Variants in CEP120 observed in about 807,000 individuals in gnomAD.
CEP120 encodes centrosomal protein 120.
A neutral mutation model predicts 126.5 loss-of-function variants in CEP120; 113 were observed. That is an observed-to-expected ratio of 0.89 (90% CI 0.77 to 1.04). The LOEUF is 1.04. Ranked by LOEUF, CEP120 falls within the 50% of genes least tolerant of loss-of-function variation. CEP120 has a pLI of 0.00. For synonymous variants in CEP120, 400 were observed against 394.3 expected (o/e 1.01, Z -0.17); for missense variants, 1,230 against 1,155.7 (o/e 1.06, Z -0.93).
chr5:123,402,457 T>C (rs1773322692), intron 4 of CEP120: 1 of 814,450 alleles, frequency 1.2e-6, no homozygotes, highest in African/African-American at 1.7e-5. Context: ...TCTTGCTCTG[T>C]CACCCAGGCT....
intron 4 of CEP120, chr5:123,403,813 C>A: frequency 3.1e-6 from 1 of 320,870 alleles, no homozygotes; most frequent in Non-Finnish European, 6.1e-6. Flanking sequence ...AATTAACTGG[C>A]CTGCAATCTT....
intron 17 of CEP120, among the ~76,000 whole-genome samples, chr5:123,366,095 A>T (rs1770434472): frequency 6.6e-6 from 1 of 151,846 alleles, no homozygotes; most frequent in Non-Finnish European, 1.5e-5. Context: ...AGCTAAGTAA[A>T]TCTGAGACAC....
At chr5:123,404,016 G>A (rs1056462346) in intron 4 of CEP120, among the ~76,000 whole-genome samples, 2 of 152,164 alleles carry the variant, frequency 1.3e-5, no homozygotes, top group Non-Finnish European at 2.9e-5. Context: ...ATGTAATAAG[G>A]TTACATGTGT....
At chr5:123,395,682 T>TC (rs1772734395) in intron 5 of CEP120, among the ~76,000 whole-genome samples, 1 of 42,508 alleles carries the variant, frequency 2.4e-5, no homozygotes, top group Admixed American at 2.4e-4. Flanking sequence ...ACTTCATTCC[T>TC]TTTTTTTTTT....
chr5:123,365,540 A>G (rs11740716), intron 17 of CEP120, among the ~76,000 whole-genome samples: 28,459 of 151,642 alleles, frequency 0.19, 3,112 homozygotes, highest in Middle Eastern at 0.25. Flanking sequence ...TTCCCTTCAC[A>G]AAAGTGCAGA....
At chr5:123,377,298 A>G in intron 16 of CEP120, 76 bp downstream of exon 16, 2 of 1,347,912 alleles carry the variant, frequency 1.5e-6, no homozygotes, top group South Asian at 2.6e-5. Context: ...ACTTTTTAGT[A>G]GTTAGTGAAC....
intron 10 of CEP120, 51 bp from the exon 11 acceptor site, chr5:123,385,184 C>T (rs781117989): frequency 7.2e-7 from 1 of 1,384,680 alleles, no homozygotes; most frequent in Non-Finnish European, 9.7e-7. Context: ...GACCTAAAGT[C>T]TTTTCTGAAC....
intron 18 of CEP120, 77 bp downstream of exon 18, chr5:123,364,419 C>T (rs1770307921): frequency 1.2e-6 from 1 of 851,946 alleles, no homozygotes; most frequent in East Asian, 2.6e-5. Flanking sequence ...CAGAGCATAA[C>T]AGATATTGCC....
At chr5:123,348,510 G>A (rs1415983073) in intron 19 of CEP120, among the ~76,000 whole-genome samples, 1 of 152,198 alleles carries the variant, frequency 6.6e-6, no homozygotes, top group Non-Finnish European at 1.5e-5. Context: ...AAGTACCACA[G>A]ATTGAATGCT....
chr5:123,359,923 CTT>C (rs1562002727), intron 18 of CEP120, among the ~76,000 whole-genome samples: 1 of 151,948 alleles, frequency 6.6e-6, no homozygotes, highest in African/African-American at 2.4e-5. Context: ...TATTTCCAAG[CTT>C]TACCAGCTGG....
rs558905697 is a variant in CEP120, at chr5:123,401,229, C to T, written c.464-1945G>A. 8.2e-5 allele frequency: 133 copies of T among 1,612,662 alleles called. No individual in the cohort carries two copies. The African/African-American group carries it at 1.2e-3, about 14-fold the overall frequency. ...GACGTTCATCAGCTCCTGGTACTCACGCAGCTGCCACGCCATGTCCTGCTT... is the reference window on the plus strand; with the variant it reads ...GACGTTCATCAGCTCCTGGTACTCATGCAGCTGCCACGCCATGTCCTGCTT... On this transcript the variant is annotated intron_variant, in intron 4 of 19. Coordinates refer to ENST00000306467, the MANE Select transcript of CEP120 (RefSeq NM_001375405.1).
Position 123,382,999 on chromosome 5 carries a change from G to T in CEP120, c.1847C>A (p.Ser616Tyr), listed in dbSNP as rs760302565. The T allele has an allele frequency of 9.4e-6, 15 of 1,598,972 alleles. No individual in the cohort carries two copies. The South Asian group carries it at 1.6e-4, about 17-fold the overall frequency. Residue 616 changes from serine to tyrosine, a missense_variant, in exon 12 of 20, where the codon TCT (serine) becomes TAT (tyrosine). Ser to Tyr is a moderately radical substitution (Grantham distance 144, BLOSUM62 -2). Transcript: ENST00000306467. The stretch of plus-strand genomic sequence containing the variant: ...AATTATATTTACCTGAGATGAATCA[G>T]AGATAAAAATCTCACGCATTTTTAC... Reference protein sequence around the residue: ...GLVKMREIFISDSSQGVSAVQ... With the variant: ...GLVKMREIFIYDSSQGVSAVQ...
At chr5:123,422,581 T>G in intron 1 of CEP120, 1 of 1,527,870 alleles carries the variant, frequency 6.5e-7, no homozygotes, top group Non-Finnish European at 8.8e-7. Context: ...GAAGCCTGTA[T>G]TCAAGTCAAA....
intron 16 of CEP120, among the ~76,000 whole-genome samples, chr5:123,374,199 ATAC>A (rs1771048036): frequency 6.6e-6 from 1 of 152,054 alleles, no homozygotes; most frequent in South Asian, 2.1e-4. Context: ...CAATTCCTTC[ATAC>A]TAATAGGTAA....
chr5:123,401,510 G>T, intron 4 of CEP120: 1 of 1,279,260 alleles, frequency 7.8e-7, no homozygotes. Flanking sequence ...CATGCTCTCA[G>T]CCTCGGCCTG....
At chr5:123,400,913 A>G in intron 4 of CEP120, 5 of 1,504,180 alleles carry the variant, frequency 3.3e-6, no homozygotes, top group Non-Finnish European at 4.6e-6. Flanking sequence ...GGGCTGCCAC[A>G]GCTGTTCACT....
intron 8 of CEP120, 95 bp downstream of exon 8, chr5:123,389,829 T>C: frequency 8.9e-7 from 1 of 1,120,322 alleles, no homozygotes. Flanking sequence ...CCACAATTTT[T>C]ACTTATAACT....
chr5:123,376,873 C>A (rs192424766), intron 16 of CEP120, among the ~76,000 whole-genome samples: 1 of 151,988 alleles, frequency 6.6e-6, no homozygotes, highest in Non-Finnish European at 1.5e-5. Flanking sequence ...CAACATGTAA[C>A]GGCTAAAGGA....
rs747691256 is a variant in CEP120, at chr5:123,382,176, T to A, written c.2038A>T (p.Met680Leu). 4 of 1,609,434 alleles carry A rather than the reference T, an allele frequency of 2.5e-6. No homozygotes were observed. Among genetic ancestry groups the A allele is most frequent in the Admixed American group, 1.7e-5 (1 of 59,632 alleles). Residue 680 changes from methionine (M) to leucine (L), a missense_variant, in exon 14 of 20, where the codon ATG becomes TTG. Physicochemically the swap from Met to Leu is conservative, Grantham distance 15 (BLOSUM62 2). Coordinates refer to ENST00000306467, the MANE Select transcript of CEP120 (RefSeq NM_001375405.1). ...NQLKQKELAH[M>L]QALAEEWKKR... ...TTCCATTCCTCTGCAAGAGCCTGCATATGAGCCAGTTCTTTCTGCTTCAGC... is the reference window on the plus strand; with the variant it reads ...TTCCATTCCTCTGCAAGAGCCTGCAAATGAGCCAGTTCTTTCTGCTTCAGC...
Sources: gnomAD v4.1 joint callset for allele counts (sites outside exome capture counted in the v4.1 genomes callset) on GRCh38, gnomAD v4.1.1 for gene constraint, MANE v1.5 for transcripts, NCBI Gene and HGNC (gene_info 2026-07-23, HGNC 2026-07-21) for gene names.